ATP11C: variants seen among roughly 807,000 people sequenced by gnomAD.
The protein encoded by ATP11C is phospholipid-transporting ATPase IG.
Under a neutral mutation model 97.4 loss-of-function variants are expected in ATP11C, and 36 were observed. The observed-to-expected ratio is 0.37, with a 90% CI of 0.28 to 0.49. The LOEUF is 0.49. ATP11C is among the 20% of genes least tolerant of loss of function. The pLI, the probability that ATP11C is intolerant of heterozygous loss-of-function variation, is 0.98. For missense variants in ATP11C, 730 were observed against 824.6 expected, an observed-to-expected ratio of 0.89 and a Z score of 1.40; for synonymous variants, 275 against 290.9, an observed-to-expected ratio of 0.95 and a Z score of 0.56.
At chrX:139,905,912 T>C (rs1380086435) in intron 1 of ATP11C, among the ~76,000 whole-genome samples, 6 of 111,463 alleles carry the variant, frequency 5.4e-5, no homozygotes, top group Non-Finnish European at 3.8e-5. Flanking sequence ...GCACTGACAA[T>C]GGCTAATTGA....
intron 26 of ATP11C, among the ~76,000 whole-genome samples, chrX:139,742,011 G>A (rs1418925421): frequency 9.0e-6 from 1 of 111,127 alleles, no homozygotes; most frequent in East Asian, 2.8e-4. Flanking sequence ...TCTTCTGGTT[G>A]CTAAGGAAAA....
upstream of ATP11C, among the ~76,000 whole-genome samples, chrX:139,935,995 C>CAA (rs1205100021): frequency 1.1e-5 from 1 of 94,652 alleles, no homozygotes; most frequent in Non-Finnish European, 2.1e-5. Flanking sequence ...GACTCCGTCT[C>CAA]AAAAAAAAAA....
At position 139,860,026 on chromosome X, in the gene ATP11C, A is replaced by C. The variant is rs1225318447; in HGVS notation, c.28-33203T>G. 7.9e-5 allele frequency among the ~76,000 whole-genome samples: 6 copies of C among 76,258 alleles called. 1 individual carries two copies. The Admixed American group carries it at 8.4e-4, about 11-fold the overall frequency. The allele number at this position is 76,258 out of a possible 115,157, so 66.2% of individuals were successfully genotyped here. On this transcript the variant is annotated intron_variant, in intron 1 of 29. Coordinates refer to ENST00000682941, the MANE Select transcript of ATP11C (RefSeq NM_001353812.2). ...AGGCTGAGGCAGAAGAATGGCGTGA[A>C]CCCGGGAGGCGGAGCTTGCAGTGAG...
intron 1 of ATP11C, among the ~76,000 whole-genome samples, chrX:139,896,546 TACAC>T (rs61153084): frequency 0.35 from 27,573 of 79,507 alleles, 4,308 homozygotes; most frequent in East Asian, 0.6. Flanking sequence ...GTTAATTTTA[TACAC>T]ACACACACAC....
intron 1 of ATP11C, among the ~76,000 whole-genome samples, chrX:139,916,690 C>T (rs1304512872): frequency 2.7e-5 from 3 of 110,560 alleles, no homozygotes; most frequent in Admixed American, 9.7e-5. Flanking sequence ...GTATATACAA[C>T]GGTCCTGTGG....
At chrX:139,780,502 C>A (rs2082430620) in intron 18 of ATP11C, among the ~76,000 whole-genome samples, 1 of 106,483 alleles carries the variant, frequency 9.4e-6, no homozygotes, top group African/African-American at 3.7e-5. Flanking sequence ...TTTGACATAC[C>A]TTGATGATAA....
intron 2 of ATP11C, among the ~76,000 whole-genome samples, chrX:139,823,844 C>T (rs746594283): frequency 1.8e-5 from 2 of 110,983 alleles, no homozygotes; most frequent in South Asian, 3.7e-4. Context: ...AGCTGCACAG[C>T]GAAAGAAATA....
upstream of ATP11C, among the ~76,000 whole-genome samples, chrX:139,936,016 C>A (rs1355952795): frequency 9.0e-6 from 1 of 110,541 alleles, no homozygotes; most frequent in African/African-American, 3.3e-5. Context: ...AAATGCAATT[C>A]TGGGGGCAGG....
chrX:139,736,475 T>C (rs1422276463), intron 28 of ATP11C, among the ~76,000 whole-genome samples: 2 of 111,720 alleles, frequency 1.8e-5, no homozygotes, highest in Non-Finnish European at 3.8e-5. Flanking sequence ...CTTGGAAATC[T>C]TTCCCTGGAA....
chrX:139,797,540 C>G (rs886775786), intron 10 of ATP11C, among the ~76,000 whole-genome samples: 1 of 111,534 alleles, frequency 9.0e-6, no homozygotes, highest in Non-Finnish European at 1.9e-5. Context: ...AATGCTCCCC[C>G]AAGTGCAATG....
At chrX:139,747,500 G>A (rs969528983) in intron 24 of ATP11C, among the ~76,000 whole-genome samples, 4 of 111,578 alleles carry the variant, frequency 3.6e-5, no homozygotes, top group Non-Finnish European at 5.7e-5. Flanking sequence ...GAGCACCTCC[G>A]TATTATGGTA....
At chrX:139,806,401 C>T (rs1427467699) in intron 5 of ATP11C, among the ~76,000 whole-genome samples, 1 of 111,703 alleles carries the variant, frequency 9.0e-6, no homozygotes, top group African/African-American at 3.3e-5. Context: ...AAAACAAATA[C>T]GTATTTTTTA....
At chrX:139,936,809 C>T (rs1487932190), upstream of ATP11C, among the ~76,000 whole-genome samples, 2 of 110,450 alleles carry the variant, frequency 1.8e-5, no homozygotes, top group African/African-American at 3.3e-5. Context: ...GACGAAGGAG[C>T]GCAAACTGCT....
rs1422856693 is a variant in ATP11C at position 139,788,323 on chromosome X, T to C, written c.1389A>G (p.Leu463=). The change falls in exon 14 of 30, where the codon CTA becomes CTG. Residue 463 remains leucine, a synonymous_variant. Coordinates refer to ENST00000682941, the MANE Select transcript of ATP11C (RefSeq NM_001353812.2). ...CAGTATGACATAAACACAAGGCACG[T>C]AGAAACAGCTCTTCTCGATTCTGTG... ...KVDKNREELF[L]RALCLCHTVE... 3 of 1,206,020 alleles carry C rather than the reference T, an allele frequency of 2.5e-6. No homozygotes were observed. The highest frequency in any genetic ancestry group is 2.2e-5 in the Admixed American group (1 of 45,519).
intron 1 of ATP11C, among the ~76,000 whole-genome samples, chrX:139,924,784 G>T (rs1420577790): frequency 1.8e-5 from 2 of 111,673 alleles, no homozygotes; most frequent in African/African-American, 3.3e-5. Context: ...TTTGCTAGAG[G>T]AATTAAGCAT....
At chrX:139,739,798 G>T (rs1380731884) in intron 27 of ATP11C, among the ~76,000 whole-genome samples, 6 of 111,070 alleles carry the variant, frequency 5.4e-5, no homozygotes, top group Non-Finnish European at 1.1e-4. Flanking sequence ...ATGGTACTCT[G>T]GGCAGACATA....
chrX:139,739,660 T>C (rs1202569470), intron 27 of ATP11C, among the ~76,000 whole-genome samples: 3 of 112,049 alleles, frequency 2.7e-5, no homozygotes, highest in Non-Finnish European at 3.8e-5. Flanking sequence ...AATCATTTAC[T>C]GGATTTATTT....
Position 139,861,182 on chromosome X carries a change from T to C in ATP11C, c.28-34359A>G, listed in dbSNP as rs772057191. Among the ~76,000 whole-genome samples, 4 of 111,917 alleles carry C rather than the reference T, an allele frequency of 3.6e-5. No homozygotes were observed. In the South Asian group the frequency reaches 1.1e-3, roughly 31 times the overall value. On this transcript the variant is annotated intron_variant, in intron 1 of 29. Coordinates refer to ENST00000682941, the MANE Select transcript of ATP11C (RefSeq NM_001353812.2). Reference sequence around the variant, plus strand: ...TCCCAAATTTTTGTTCTAGAAAACATAGACAGTCCAGCTTCAAATATGATA... The same window carrying C: ...TCCCAAATTTTTGTTCTAGAAAACACAGACAGTCCAGCTTCAAATATGATA...
Position 139,757,864 on chromosome X carries a change from G to A in ATP11C, c.2644C>T (p.Leu882Phe). The stretch of plus-strand genomic sequence containing the variant: ...AAAAACTGTGGCAAAATGAAACAAA[G>A]GTTCTGAAAAAAAAAAATTAAGACA... ...HLVQYFFYKN[L>F]CFILPQFLYQ... Residue 882 changes from leucine (L) to phenylalanine (F), a missense_variant, in exon 23 of 30, where the codon CTT (leucine) becomes TTT (phenylalanine). Leu to Phe is a conservative substitution (Grantham distance 22). Coordinates refer to ENST00000682941, the MANE Select transcript of ATP11C (RefSeq NM_001353812.2). 2 of 1,165,067 alleles carry A rather than the reference G, an allele frequency of 1.7e-6. No homozygotes were observed. The highest frequency in any genetic ancestry group is 2.3e-6 in the Non-Finnish European group (2 of 867,918).
Sources: gnomAD v4.1 joint callset for allele counts (sites outside exome capture counted in the v4.1 genomes callset) on GRCh38, gnomAD v4.1.1 for gene constraint, MANE v1.5 for transcripts, NCBI Gene and HGNC (gene_info 2026-07-23, HGNC 2026-07-21) for gene names.